The following QTGAL variants were observed in gnomAD, a reference collection of about 807,000 sequenced individuals.
QTGAL encodes the protein BGnT-like protein 1.
At chr17:82,995,672 T>C in the QTGAL span, among the ~76,000 whole-genome samples, 2 of 152,170 alleles carry the variant, frequency 1.3e-5, no homozygotes, top group Non-Finnish European at 2.9e-5. Context: ...TGTGAGCCAC[T>C]ATGTCCGGCC....
At chr17:82,970,248 C>T in the QTGAL span, among the ~76,000 whole-genome samples, 29 of 152,172 alleles carry the variant, frequency 1.9e-4, no homozygotes, top group African/African-American at 4.1e-4. Context: ...TTGGCACATC[C>T]GTGAATACCC....
At chr17:82,984,493 A>G in the QTGAL span, among the ~76,000 whole-genome samples, 330 of 9,076 alleles carry the variant, frequency 0.036, no homozygotes, top group East Asian at 0.09. Context: ...GAGAGGCCAC[A>G]GGAGGACGCA....
At chr17:82,964,028 C>CGGGGGG in the QTGAL span, among the ~76,000 whole-genome samples, 22 of 139,654 alleles carry the variant, frequency 1.6e-4, no homozygotes, top group African/African-American at 5.5e-4. Flanking sequence ...AGGCTGAGGT[C>CGGGGGG]GGGGGGGTGG....
the QTGAL span, chr17:83,035,102 G>A: frequency 6.2e-7 from 1 of 1,609,984 alleles, no homozygotes; most frequent in South Asian, 1.1e-5. Context: ...GTATCCGACT[G>A]TGGAAAAAAG....
At chr17:83,026,916 G>A in the QTGAL span, among the ~76,000 whole-genome samples, 1 of 148,878 alleles carries the variant, frequency 6.7e-6, no homozygotes, top group African/African-American at 2.5e-5. Flanking sequence ...ACAGAGGAGG[G>A]CAGGGAGCCT....
At chr17:83,025,912 C>T in the QTGAL span, among the ~76,000 whole-genome samples, 2 of 152,206 alleles carry the variant, frequency 1.3e-5, no homozygotes, top group African/African-American at 4.8e-5. Context: ...CGTACACACA[C>T]GTACTCGGGG....
chr17:82,956,255 C>T, the QTGAL span, among the ~76,000 whole-genome samples: 1 of 152,184 alleles, frequency 6.6e-6, no homozygotes, highest in Non-Finnish European at 1.5e-5. This position sits in a 1 kb window ranked among gnomAD's most constrained non-coding sequence, Gnocchi z 5.7. Flanking sequence ...GCCCGAGGCA[C>T]CCATCACCTG....
the QTGAL span, chr17:83,006,645 C>T: frequency 5.1e-6 from 5 of 984,604 alleles, no homozygotes; most frequent in Middle Eastern, 5.2e-4. The surrounding 1 kb of genome is among the most constrained non-coding windows in gnomAD (Gnocchi z 5.8). Flanking sequence ...GCTATCCCGA[C>T]GCCGTGGCTG....
chr17:82,959,000 GTA>G, the QTGAL span, among the ~76,000 whole-genome samples: 69 of 74,554 alleles, frequency 9.3e-4, no homozygotes, highest in African/African-American at 4.2e-3. Flanking sequence ...GTGTGTGTGT[GTA>G]TACTGTGTGG....
the QTGAL span, chr17:83,048,501 C>T: frequency 6.2e-7 from 1 of 1,613,586 alleles, no homozygotes; most frequent in Non-Finnish European, 8.5e-7. Flanking sequence ...TCGTGCCCCC[C>T]AATGATCACG....
the QTGAL span, among the ~76,000 whole-genome samples, chr17:82,964,092 C>T: frequency 6.6e-6 from 1 of 150,614 alleles, no homozygotes; most frequent in Non-Finnish European, 1.5e-5. Context: ...CGAAACCAGT[C>T]TCTACCAAAA....
At chr17:82,992,664 CA>C in the QTGAL span, among the ~76,000 whole-genome samples, 1 of 152,040 alleles carries the variant, frequency 6.6e-6, no homozygotes, top group African/African-American at 2.4e-5. Flanking sequence ...CAGAAAAACA[CA>C]AAGTATTATA....
chr17:82,947,378 CAG>C, the QTGAL span: 1 of 196,950 alleles, frequency 5.1e-6, no homozygotes, highest in Non-Finnish European at 1.0e-5. Flanking sequence ...GCCCCTCAGA[CAG>C]AAACTGCATC....
chr17:82,957,584 C>A, the QTGAL span: 1 of 1,464,858 alleles, frequency 6.8e-7, no homozygotes, highest in South Asian at 1.3e-5. Flanking sequence ...GTGCTCAGCT[C>A]ACGTTGCCAG....
At chr17:82,997,134 T>C in the QTGAL span, among the ~76,000 whole-genome samples, 1 of 152,180 alleles carries the variant, frequency 6.6e-6, no homozygotes, top group Admixed American at 6.5e-5. Context: ...AGAAAATATT[T>C]GTAAATTACC....
At chr17:82,951,281 T>G in the QTGAL span, among the ~76,000 whole-genome samples, 87,167 of 152,030 alleles carry the variant, frequency 0.57, 25,085 homozygotes, top group East Asian at 0.63. Context: ...GACCGTAGCA[T>G]GATCTTCTGG....
chr17:83,035,919 C>T, the QTGAL span, among the ~76,000 whole-genome samples: 5 of 103,258 alleles, frequency 4.8e-5, no homozygotes, highest in South Asian at 3.3e-4. Context: ...CCTCGGAGGG[C>T]GGTTTGCACG....
chr17:82,994,874 G>T, the QTGAL span, among the ~76,000 whole-genome samples: 2 of 152,146 alleles, frequency 1.3e-5, no homozygotes, highest in Non-Finnish European at 2.9e-5. Context: ...GGGATGCAAG[G>T]ATAGTTCAAC....
the QTGAL span, among the ~76,000 whole-genome samples, chr17:83,039,747 G>A: frequency 5.9e-5 from 9 of 152,204 alleles, no homozygotes; most frequent in Non-Finnish European, 7.3e-5. Context: ...GAGGCAGAGC[G>A]AGGTGGCCGT....
Sources: allele counts gnomAD v4.1 joint callset (sites outside exome capture counted in the v4.1 genomes callset), GRCh38; gene constraint gnomAD v4.1.1; non-coding constraint Gnocchi (gnomAD v3.1); transcripts MANE v1.5; gene names NCBI Gene and HGNC (gene_info 2026-07-23, HGNC 2026-07-21).